Variants in NSMCE2 observed in about 807,000 individuals in gnomAD.
NSMCE2 encodes E3 SUMO-protein ligase NSE2.
NSMCE2 carries 24 observed loss-of-function variants against 23.8 expected under a neutral mutation model. The ratio of observed to expected loss-of-function variants is 1.01; its 90% CI spans 0.73 to 1.42. NSMCE2 has a LOEUF of 1.42. Among genes scored for constraint, NSMCE2 ranks in the 40% most tolerant of loss-of-function variants. The pLI, the probability that NSMCE2 is intolerant of heterozygous loss-of-function variation, is 0.00. For missense variants in NSMCE2, 284 were observed against 296.5 expected, an observed-to-expected ratio of 0.96 and a Z score of 0.31; for synonymous variants, 92 against 94.1, an observed-to-expected ratio of 0.98 and a Z score of 0.13.
At chr8:125,186,577 C>G (rs765598746) in intron 5 of NSMCE2, among the ~76,000 whole-genome samples, 5 of 152,012 alleles carry the variant, frequency 3.3e-5, no homozygotes, top group African/African-American at 7.3e-5. Flanking sequence ...ATATGACAAC[C>G]ATTAATAACA....
intron 5 of NSMCE2, among the ~76,000 whole-genome samples, chr8:125,247,465 C>T (rs141313730): frequency 8.9e-4 from 136 of 152,220 alleles, no homozygotes; most frequent in Non-Finnish European, 1.5e-3. Context: ...TGGCTCACGC[C>T]TATAATCCCA....
At chr8:125,130,047 A>G (rs1334346260) in intron 3 of NSMCE2, among the ~76,000 whole-genome samples, 1 of 152,150 alleles carries the variant, frequency 6.6e-6, no homozygotes, top group Non-Finnish European at 1.5e-5. Flanking sequence ...AATCCAGGAT[A>G]TCACATTGCA....
intron 5 of NSMCE2, among the ~76,000 whole-genome samples, chr8:125,336,094 T>C (rs2131311901): frequency 6.6e-6 from 1 of 151,958 alleles, no homozygotes; most frequent in South Asian, 2.1e-4. Context: ...AGGACCCCAC[T>C]CCTGGTAGAA....
rs1418268086 is a variant in NSMCE2, at chr8:125,207,598, C to G, written c.418+25342C>G. Among the ~76,000 whole-genome samples the G allele has an allele frequency of 2.0e-5, 3 of 152,290 alleles. No individual in the cohort carries two copies. The South Asian group carries it at 6.2e-4, about 32-fold the overall frequency. ...ATTAAATGGTGTTGAGTTTCCAGCT[C>G]TCTTAGTTTTTATTGTGGAACAAAC... On this transcript the variant is annotated intron_variant, in intron 5 of 7. Transcript: ENST00000287437.
At chr8:125,212,042 A>G (rs73351208) in intron 5 of NSMCE2, among the ~76,000 whole-genome samples, 15,090 of 152,226 alleles carry the variant, frequency 0.099, 974 homozygotes, top group South Asian at 0.18. Context: ...CTAAGTGGGC[A>G]AAGTCCATCT....
chr8:125,176,584 C>G (rs1477271237), intron 4 of NSMCE2, among the ~76,000 whole-genome samples: 1 of 152,024 alleles, frequency 6.6e-6, no homozygotes, highest in African/African-American at 2.4e-5. Flanking sequence ...AGCTATAGAC[C>G]TGTGTATTCA....
chr8:125,173,007 G>A (rs760685775), intron 4 of NSMCE2, among the ~76,000 whole-genome samples: 10 of 152,032 alleles, frequency 6.6e-5, no homozygotes, highest in African/African-American at 9.7e-5. Context: ...ATCTTTCACC[G>A]CTAGATGTGG....
At chr8:125,298,133 A>G (rs967635536) in intron 5 of NSMCE2, among the ~76,000 whole-genome samples, 1 of 151,490 alleles carries the variant, frequency 6.6e-6, no homozygotes, top group Non-Finnish European at 1.5e-5. Flanking sequence ...GGTGGTACAC[A>G]CCTGTAGTCC....
intron 5 of NSMCE2, among the ~76,000 whole-genome samples, chr8:125,336,315 G>A (rs999050985): frequency 6.6e-6 from 1 of 152,182 alleles, no homozygotes; most frequent in Admixed American, 6.5e-5. Context: ...AGTCCTTACA[G>A]TAGTCCTGCC....
chr8:125,366,663 CTT>C, intron 7 of NSMCE2, 103 bp from the exon 8 acceptor site: 2 of 724,416 alleles, frequency 2.8e-6, no homozygotes, highest in Non-Finnish European at 2.5e-6. Flanking sequence ...GATTTTGACA[CTT>C]TTCCTTTTTC....
intron 5 of NSMCE2, among the ~76,000 whole-genome samples, chr8:125,316,773 C>CCTTCCT (rs1172219929): frequency 3.3e-3 from 258 of 77,356 alleles, no homozygotes; most frequent in African/African-American, 0.021. Context: ...CCTTCCTTCT[C>CCTTCCT]TCTCTCTCTT....
intron 4 of NSMCE2, among the ~76,000 whole-genome samples, chr8:125,153,367 G>A (rs1821145874): frequency 6.6e-6 from 1 of 152,064 alleles, no homozygotes; most frequent in African/African-American, 2.4e-5. Context: ...ATGATACAAA[G>A]GTATGCTTTC....
At chr8:125,208,652 A>G (rs1824207940) in intron 5 of NSMCE2, among the ~76,000 whole-genome samples, 1 of 152,196 alleles carries the variant, frequency 6.6e-6, no homozygotes, top group Non-Finnish European at 1.5e-5. Flanking sequence ...GTGCCAGCGT[A>G]AGTGTTTCAT....
intron 5 of NSMCE2, among the ~76,000 whole-genome samples, chr8:125,203,263 A>G (rs986374447): frequency 5.9e-5 from 9 of 152,008 alleles, no homozygotes; most frequent in Admixed American, 2.0e-4. Context: ...ATGTATATAT[A>G]TAATTTTTTT....
chr8:125,316,454 G>A (rs1257322006), intron 5 of NSMCE2, among the ~76,000 whole-genome samples: 5 of 152,206 alleles, frequency 3.3e-5, no homozygotes, highest in East Asian at 1.9e-4. Context: ...CTGGCAGTAC[G>A]TGCATTGGTC....
At chr8:125,349,342 T>C (rs1463455414) in intron 5 of NSMCE2, among the ~76,000 whole-genome samples, 1 of 152,218 alleles carries the variant, frequency 6.6e-6, no homozygotes, top group Non-Finnish European at 1.5e-5. Context: ...TTTGGAATAA[T>C]GCAAGTAAAA....
At chr8:125,095,226 CAG>C (rs2130304865) in intron 1 of NSMCE2, among the ~76,000 whole-genome samples, 1 of 152,266 alleles carries the variant, frequency 6.6e-6, no homozygotes, top group Non-Finnish European at 1.5e-5. Context: ...GTTTTCATCA[CAG>C]AAAGTTCTAT....
chr8:125,110,184 G>A (rs1179323484), intron 3 of NSMCE2, among the ~76,000 whole-genome samples: 1 of 152,094 alleles, frequency 6.6e-6, no homozygotes, highest in Non-Finnish European at 1.5e-5. Context: ...CTCTGCCAGG[G>A]CAAGTCTGTG....
At chr8:125,340,721 C>A (rs927794934) in intron 5 of NSMCE2, among the ~76,000 whole-genome samples, 3 of 152,168 alleles carry the variant, frequency 2.0e-5, no homozygotes, top group Admixed American at 2.0e-4. Flanking sequence ...AAATAAAATT[C>A]TCTTTAAATA....
Sources: gnomAD v4.1 joint callset for allele counts (sites outside exome capture counted in the v4.1 genomes callset) on GRCh38, gnomAD v4.1.1 for gene constraint, MANE v1.5 for transcripts, NCBI Gene and HGNC (gene_info 2026-07-23, HGNC 2026-07-21) for gene names.